Variants in NXPE2 observed in about 807,000 individuals in gnomAD.
The protein encoded by NXPE2 is NXPE family member 2.
NXPE2 carries 34 observed loss-of-function variants against 34.4 expected under a neutral mutation model. That is an observed-to-expected ratio of 0.99 (90% CI 0.75 to 1.31). The LOEUF (loss-of-function observed/expected upper bound fraction) is 1.31. Ranked by LOEUF, NXPE2 falls within the 40% of genes most tolerant of loss-of-function variation. NXPE2 has a pLI of 0.00. For synonymous variants in NXPE2, 235 were observed against 231.3 expected (o/e 1.02, Z -0.15); for missense variants, 649 against 672.5 (o/e 0.97, Z 0.39).
chr11:114,495,510 G>C, the NXPE2 span, among the ~76,000 whole-genome samples: 1 of 151,688 alleles, frequency 6.6e-6, no homozygotes, highest in Non-Finnish European at 1.5e-5. Context: ...CTGCCCCACT[G>C]TAACCAAGTT....
intron 2 of NXPE2, 70 bp downstream of exon 2, chr11:114,679,832 A>G (rs553774635): frequency 4.7e-6 from 4 of 855,906 alleles, no homozygotes; most frequent in Non-Finnish European, 7.5e-6. Flanking sequence ...CCCCTTTATC[A>G]TGGCAAGAAA....
the NXPE2 span, among the ~76,000 whole-genome samples, chr11:114,639,785 AAT>A: frequency 2.4e-5 from 3 of 126,676 alleles, no homozygotes; most frequent in African/African-American, 6.1e-5. Flanking sequence ...TATAAAATAT[AAT>A]ATATATTATA....
chr11:114,562,074 G>C, the NXPE2 span, among the ~76,000 whole-genome samples: 7 of 152,208 alleles, frequency 4.6e-5, no homozygotes, highest in African/African-American at 1.7e-4. Context: ...TGTATCAACT[G>C]TCCTTTTAAC....
the NXPE2 span, among the ~76,000 whole-genome samples, chr11:114,612,377 A>C: frequency 6.6e-6 from 1 of 151,836 alleles, no homozygotes; most frequent in Non-Finnish European, 1.5e-5. Context: ...CCGATGGACA[A>C]TAAGTATTGC....
chr11:114,731,080 G>C, the NXPE2 span, among the ~76,000 whole-genome samples: 1 of 152,018 alleles, frequency 6.6e-6, no homozygotes, highest in Non-Finnish European at 1.5e-5. Context: ...TCAATTCCTA[G>C]TTTGATGAGT....
At chr11:114,758,033 G>A in the NXPE2 span, among the ~76,000 whole-genome samples, 4 of 152,164 alleles carry the variant, frequency 2.6e-5, no homozygotes, top group Non-Finnish European at 4.4e-5. Flanking sequence ...GCATTAACTG[G>A]AATTGACTAT....
the NXPE2 span, chr11:114,551,227 CAA>C: frequency 2.6e-4 from 388 of 1,468,570 alleles, 1 homozygote; most frequent in Admixed American, 1.4e-4. Context: ...AGAGATGACA[CAA>C]GAGAGGAGTC....
the NXPE2 span, among the ~76,000 whole-genome samples, chr11:114,789,585 A>C: frequency 6.6e-6 from 1 of 152,184 alleles, no homozygotes; most frequent in Non-Finnish European, 1.5e-5. Flanking sequence ...TAAAAAATAA[A>C]CATCAGAGAA....
At chr11:114,572,849 A>G in the NXPE2 span, among the ~76,000 whole-genome samples, 1 of 152,220 alleles carries the variant, frequency 6.6e-6, no homozygotes, top group East Asian at 1.9e-4. Context: ...TCCAAATACA[A>G]GCAGCTCAAA....
chr11:114,813,023 G>T, the NXPE2 span, among the ~76,000 whole-genome samples: 1 of 152,094 alleles, frequency 6.6e-6, no homozygotes, highest in Admixed American at 6.5e-5. Context: ...GGGCTCTGGG[G>T]GTCAGGGCCA....
At chr11:114,607,231 C>A in the NXPE2 span, among the ~76,000 whole-genome samples, 1 of 151,686 alleles carries the variant, frequency 6.6e-6, no homozygotes, top group Middle Eastern at 3.2e-3. Flanking sequence ...TCGTGTGTAA[C>A]CACTGTTACC....
chr11:114,478,513 A>AT, the NXPE2 span, among the ~76,000 whole-genome samples: 1 of 152,018 alleles, frequency 6.6e-6, no homozygotes, highest in Non-Finnish European at 1.5e-5. Context: ...TTATATTTTT[A>AT]TTTTTTTGGA....
At chr11:114,554,562 T>C in the NXPE2 span, among the ~76,000 whole-genome samples, 3 of 152,244 alleles carry the variant, frequency 2.0e-5, no homozygotes, top group African/African-American at 7.2e-5. Context: ...TAATTTGTTA[T>C]ATAGTCAAAT....
At chr11:114,708,697 A>C (rs1484168818), downstream of NXPE2, among the ~76,000 whole-genome samples, 1 of 151,986 alleles carries the variant, frequency 6.6e-6, no homozygotes, top group Non-Finnish European at 1.5e-5. Flanking sequence ...CATACACTTT[A>C]GCACCAGACT....
the NXPE2 span, among the ~76,000 whole-genome samples, chr11:114,520,977 A>G: frequency 1.3e-5 from 2 of 152,232 alleles, no homozygotes; most frequent in African/African-American, 4.8e-5. Context: ...TGCTATATCC[A>G]TAGTAAAGTT....
chr11:114,509,398 C>T, the NXPE2 span, among the ~76,000 whole-genome samples: 1,769 of 152,228 alleles, frequency 0.012, 38 homozygotes, highest in African/African-American at 0.04. Context: ...AAATACCAAT[C>T]GACCCAGCAG....
chr11:114,626,618 T>C, the NXPE2 span, among the ~76,000 whole-genome samples: 1 of 152,064 alleles, frequency 6.6e-6, no homozygotes, highest in East Asian at 1.9e-4. Context: ...AGAGCGCCTC[T>C]CCTCCTCCAA....
chr11:114,768,498 G>A, the NXPE2 span, among the ~76,000 whole-genome samples: 1 of 152,110 alleles, frequency 6.6e-6, no homozygotes, highest in East Asian at 1.9e-4. Context: ...AAATTACTTT[G>A]GGCAATATGG....
downstream of NXPE2, among the ~76,000 whole-genome samples, chr11:114,709,746 A>C (rs1358389879): frequency 2.0e-5 from 3 of 152,050 alleles, no homozygotes; most frequent in South Asian, 2.1e-4. Context: ...TCTACTAATC[A>C]TACAAAATAG....
Sources: allele counts gnomAD v4.1 joint callset (sites outside exome capture counted in the v4.1 genomes callset), GRCh38; gene constraint gnomAD v4.1.1; transcripts MANE v1.5; gene names NCBI Gene and HGNC (gene_info 2026-07-23, HGNC 2026-07-21).